CCDC171: variants seen among roughly 807,000 people sequenced by gnomAD.
CCDC171 encodes coiled-coil domain containing 171, also known as coiled-coil domain-containing protein 171.
CCDC171 carries 177 observed loss-of-function variants against 168.2 expected under a neutral mutation model. The ratio of observed to expected loss-of-function variants is 1.05; its 90% CI spans 0.93 to 1.19. The LOEUF is 1.19. Among genes scored for constraint, CCDC171 ranks in the 50% most tolerant of loss-of-function variants. CCDC171 has a pLI of 0.00. For missense variants in CCDC171, 1,991 were observed against 1,539.0 expected (o/e 1.29, Z -4.91); for synonymous variants, 687 against 540.8 (o/e 1.27, Z -3.75).
chr9:15,926,095 GAA>G (rs1461249243), intron 25 of CCDC171, among the ~76,000 whole-genome samples: 5 of 151,700 alleles, frequency 3.3e-5, no homozygotes, highest in African/African-American at 1.2e-4. Context: ...ACAAATGAGA[GAA>G]GAGTACATTC....
chr9:15,790,917 T>C (rs2058225150), intron 21 of CCDC171, among the ~76,000 whole-genome samples: 1 of 152,170 alleles, frequency 6.6e-6, no homozygotes, highest in Non-Finnish European at 1.5e-5. Flanking sequence ...AGACATGTGG[T>C]ATTATTTCTG....
intron 11 of CCDC171, among the ~76,000 whole-genome samples, chr9:15,715,198 T>C (rs2052990136): frequency 6.6e-6 from 1 of 152,216 alleles, no homozygotes. Context: ...GAAGTGTTTT[T>C]TGAATTCTCC....
intron 21 of CCDC171, among the ~76,000 whole-genome samples, chr9:15,812,768 T>G (rs533668676): frequency 6.6e-6 from 1 of 152,348 alleles, no homozygotes; most frequent in Admixed American, 6.5e-5. Flanking sequence ...ATTATTATTG[T>G]GGACCAGTGA....
At chr9:16,085,081 C>G in the CCDC171 span, among the ~76,000 whole-genome samples, 1 of 152,148 alleles carries the variant, frequency 6.6e-6, no homozygotes, top group African/African-American at 2.4e-5. Context: ...TTGCTTGGAT[C>G]CTGGGAGGGG....
At chr9:16,079,086 C>G in the CCDC171 span, among the ~76,000 whole-genome samples, 1 of 152,294 alleles carries the variant, frequency 6.6e-6, no homozygotes, top group South Asian at 2.1e-4. Context: ...ATTAAGAAAT[C>G]AAGCTTTTTA....
intron 24 of CCDC171, among the ~76,000 whole-genome samples, chr9:15,902,421 A>G (rs1188789860): frequency 6.6e-6 from 1 of 152,226 alleles, no homozygotes; most frequent in Admixed American, 6.5e-5. Flanking sequence ...GGGAAGTTGG[A>G]AATTTTCTAG....
At chr9:16,080,090 T>C in the CCDC171 span, among the ~76,000 whole-genome samples, 1 of 152,212 alleles carries the variant, frequency 6.6e-6, no homozygotes, top group Admixed American at 6.5e-5. Flanking sequence ...TGACTTTATT[T>C]TCTGCTCTAT....
chr9:15,906,633 C>T (rs2131736755), intron 24 of CCDC171, among the ~76,000 whole-genome samples: 1 of 152,322 alleles, frequency 6.6e-6, no homozygotes, highest in Non-Finnish European at 1.5e-5. Flanking sequence ...TGCCCTCTCT[C>T]ACCACTCCTA....
At chr9:15,775,105 TA>T (rs36074942) in intron 18 of CCDC171, among the ~76,000 whole-genome samples, 1 of 151,836 alleles carries the variant, frequency 6.6e-6, no homozygotes, top group African/African-American at 2.4e-5. Context: ...CCTATTGAAA[TA>T]AAAAAAATTG....
the CCDC171 span, among the ~76,000 whole-genome samples, chr9:16,080,972 A>G: frequency 6.6e-6 from 1 of 152,090 alleles, no homozygotes; most frequent in Non-Finnish European, 1.5e-5. Flanking sequence ...TCATCTGCCT[A>G]TTAAGTTTAT....
At chr9:16,000,814 T>C (rs16933906) in intron 3 of CCDC171, among the ~76,000 whole-genome samples, 2,927 of 152,254 alleles carry the variant, frequency 0.019, 112 homozygotes, top group African/African-American at 0.067. Flanking sequence ...TATTTCTTTT[T>C]CCTGCTAAAA....
chr9:15,871,778 T>C (rs1182880057), intron 23 of CCDC171, among the ~76,000 whole-genome samples: 1 of 151,890 alleles, frequency 6.6e-6, no homozygotes, highest in Non-Finnish European at 1.5e-5. Context: ...TTCTGAAGTC[T>C]CTTCCTTCTA....
intron 15 of CCDC171, among the ~76,000 whole-genome samples, chr9:15,729,307 A>G (rs1054775821): frequency 1.3e-5 from 2 of 152,140 alleles, no homozygotes; most frequent in African/African-American, 2.4e-5. Context: ...CTTTGGTTCC[A>G]GAAGTAACAG....
chr9:15,962,150 C>T (rs965533044), intron 25 of CCDC171, among the ~76,000 whole-genome samples: 1 of 152,154 alleles, frequency 6.6e-6, no homozygotes, highest in Non-Finnish European at 1.5e-5. Flanking sequence ...CGCTTATGTG[C>T]TACAACACAG....
At chr9:15,905,119 A>G (rs1327532192) in intron 24 of CCDC171, among the ~76,000 whole-genome samples, 2 of 152,244 alleles carry the variant, frequency 1.3e-5, no homozygotes, top group Non-Finnish European at 2.9e-5. Context: ...TCAACGAGAC[A>G]GAAAGTTAAC....
In CCDC171 at chr9:15,792,852, C is replaced by G. The variant is rs563542401; in HGVS notation, c.3267+8158C>G. On this transcript the variant is annotated intron_variant, in intron 21 of 25. Transcript: ENST00000380701. ...TAAACATGGAAAGGAACAACCAGTA[C>G]CAGCCACTGCAAAAACATGCCAAAT... 5.0e-3 allele frequency among the ~76,000 whole-genome samples: 764 copies of G among 152,162 alleles called. 9 individuals are homozygous for G. Among genetic ancestry groups the G allele is most frequent in the African/African-American group, 0.017 (715 of 41,478 alleles).
the CCDC171 span, among the ~76,000 whole-genome samples, chr9:16,078,234 A>G: frequency 6.6e-6 from 1 of 152,172 alleles, no homozygotes; most frequent in Non-Finnish European, 1.5e-5. Context: ...GGGGAAAAAA[A>G]TGACCAATCC....
chr9:15,821,983 G>A (rs2059792934), intron 21 of CCDC171, among the ~76,000 whole-genome samples: 1 of 152,088 alleles, frequency 6.6e-6, no homozygotes, highest in Non-Finnish European at 1.5e-5. Context: ...TACCAAAACA[G>A]AGATATAGAC....
chr9:16,042,118 C>A (rs145591205), upstream of CCDC171, among the ~76,000 whole-genome samples: 2 of 152,176 alleles, frequency 1.3e-5, no homozygotes, highest in African/African-American at 4.8e-5. Flanking sequence ...GCTAGTTCGT[C>A]GTGGAGCAAG....
Sources: allele counts gnomAD v4.1 joint callset (sites outside exome capture counted in the v4.1 genomes callset), GRCh38; gene constraint gnomAD v4.1.1; transcripts MANE v1.5; gene names NCBI Gene and HGNC (gene_info 2026-07-23, HGNC 2026-07-21).